CEP63: variants seen among roughly 807,000 people sequenced by gnomAD.
The protein encoded by CEP63 is centrosomal protein 63.
A neutral mutation model predicts 89.1 loss-of-function variants in CEP63; 84 were observed. The ratio of observed to expected loss-of-function variants is 0.94; its 90% CI spans 0.79 to 1.13. CEP63 has a LOEUF of 1.13. Among genes scored for constraint, CEP63 ranks in the 50% most tolerant of loss-of-function variants. CEP63 has a pLI of 0.00. For missense variants in CEP63, 838 were observed against 813.3 expected, an observed-to-expected ratio of 1.03 and a Z score of -0.37; for synonymous variants, 267 against 272.5, an observed-to-expected ratio of 0.98 and a Z score of 0.20.
chr3:134,689,131 C>A, the CEP63 span, among the ~76,000 whole-genome samples: 1 of 151,974 alleles, frequency 6.6e-6, no homozygotes, highest in Non-Finnish European at 1.5e-5. Context: ...CTGTTGGCCT[C>A]ATTTTCTCTC....
At chr3:134,620,970 G>A in the CEP63 span, 63 of 692,758 alleles carry the variant, frequency 9.1e-5, no homozygotes, top group Non-Finnish European at 1.3e-4. Context: ...GAAGCTGGAG[G>A]AGAGGTCCTG....
At chr3:134,635,087 A>G in the CEP63 span, among the ~76,000 whole-genome samples, 1 of 152,246 alleles carries the variant, frequency 6.6e-6, no homozygotes, top group Non-Finnish European at 1.5e-5. Context: ...TTCACACAAA[A>G]ACCTGTACAC....
chr3:134,747,616 C>A, the CEP63 span, among the ~76,000 whole-genome samples: 7 of 152,176 alleles, frequency 4.6e-5, no homozygotes, highest in African/African-American at 1.4e-4. Flanking sequence ...GCACCTTGTC[C>A]TTTTCTGCTT....
the CEP63 span, among the ~76,000 whole-genome samples, chr3:134,634,103 C>T: frequency 6.6e-6 from 1 of 152,166 alleles, no homozygotes; most frequent in African/African-American, 2.4e-5. Context: ...TGATTACACA[C>T]ATTAAAGATG....
At chr3:134,651,697 G>C in the CEP63 span, 314 of 851,348 alleles carry the variant, frequency 3.7e-4, no homozygotes, top group Non-Finnish European at 4.3e-4. Flanking sequence ...GATCTGAAAC[G>C]AAAGTCTTAA....
chr3:134,693,834 G>A, the CEP63 span, among the ~76,000 whole-genome samples: 11 of 152,286 alleles, frequency 7.2e-5, no homozygotes, highest in South Asian at 1.5e-3. Context: ...TTTGCCTCAC[G>A]TGCATGGACC....
the CEP63 span, among the ~76,000 whole-genome samples, chr3:134,771,579 A>T: frequency 1.3e-5 from 2 of 152,080 alleles, no homozygotes; most frequent in African/African-American, 4.8e-5. Flanking sequence ...TTCAAGAATC[A>T]TACTTTGAGA....
chr3:134,691,532 C>A, the CEP63 span, among the ~76,000 whole-genome samples: 1 of 151,668 alleles, frequency 6.6e-6, no homozygotes, highest in Admixed American at 6.6e-5. Context: ...CTGGGAGGAT[C>A]TTTTGAACCC....
upstream of CEP63, chr3:134,485,862 G>A (rs886100625): frequency 1.6e-5 from 7 of 446,040 alleles, no homozygotes; most frequent in African/African-American, 1.3e-4. Context: ...GACAGCCTCG[G>A]CCGATGGGAA....
At chr3:134,512,156 G>A (rs1945129216) in intron 3 of CEP63, among the ~76,000 whole-genome samples, 2 of 152,214 alleles carry the variant, frequency 1.3e-5, no homozygotes, top group African/African-American at 4.8e-5. Flanking sequence ...ACTGAACGGT[G>A]TGTTTCAAGA....
chr3:134,627,749 A>G, the CEP63 span: 1 of 1,613,284 alleles, frequency 6.2e-7, no homozygotes, highest in South Asian at 1.1e-5. Context: ...AAGACTCTGG[A>G]ACTTACCATG....
At position 134,550,245 on chromosome 3, in the gene CEP63, A is replaced by G; in HGVS notation, c.1365A>G (p.Lys455=). Residue 455 remains lysine, a synonymous_variant, in exon 11 of 15, where the codon AAA becomes AAG. Coordinates refer to ENST00000675561, the MANE Select transcript of CEP63 (RefSeq NM_001353108.3). ...LRAEMQKAED[K]AVEHKEILDQ... ...CAGAGATGCAAAAGGCAGAAGACAAAGCAGTAGAGCATAAGGTGAAGCCTG... is the reference window on the plus strand; with the variant it reads ...CAGAGATGCAAAAGGCAGAAGACAAGGCAGTAGAGCATAAGGTGAAGCCTG... 1 of 1,614,200 alleles carries G rather than the reference A, an allele frequency of 6.2e-7. No homozygotes were observed. The highest frequency in any genetic ancestry group is 1.7e-5 in the Admixed American group (1 of 60,028).
the CEP63 span, among the ~76,000 whole-genome samples, chr3:134,705,319 G>A: frequency 6.6e-6 from 1 of 152,110 alleles, no homozygotes; most frequent in Non-Finnish European, 1.5e-5. Flanking sequence ...ACATGAGAAG[G>A]AGCAAAACCT....
chr3:134,664,435 C>T, the CEP63 span, among the ~76,000 whole-genome samples: 1 of 152,186 alleles, frequency 6.6e-6, no homozygotes, highest in Middle Eastern at 3.2e-3. Context: ...AGACATGCAG[C>T]CCTGTGGCTG....
intron 3 of CEP63, among the ~76,000 whole-genome samples, chr3:134,511,638 G>A (rs917025567): frequency 4.6e-5 from 7 of 152,186 alleles, no homozygotes; most frequent in African/African-American, 1.4e-4. Context: ...AGCATGGCTG[G>A]TGAGGCCTCA....
intron 3 of CEP63, among the ~76,000 whole-genome samples, chr3:134,520,940 A>G (rs1947305700): frequency 6.6e-6 from 1 of 152,218 alleles, no homozygotes; most frequent in South Asian, 2.1e-4. Context: ...GACATAAGAG[A>G]AAATCTTAGT....
At chr3:134,663,651 G>T in the CEP63 span, among the ~76,000 whole-genome samples, 5 of 152,220 alleles carry the variant, frequency 3.3e-5, no homozygotes, top group Admixed American at 6.5e-5. Context: ...GGGAGTGCAG[G>T]TTCTCAAGTC....
chr3:134,745,573 G>A, the CEP63 span, among the ~76,000 whole-genome samples: 1 of 152,122 alleles, frequency 6.6e-6, no homozygotes, highest in Non-Finnish European at 1.5e-5. Context: ...TAGGGTACAT[G>A]TGCGCAACGT....
At chr3:134,559,701 C>T (rs1419322690) in intron 14 of CEP63, among the ~76,000 whole-genome samples, 1 of 152,102 alleles carries the variant, frequency 6.6e-6, no homozygotes, top group Non-Finnish European at 1.5e-5. Flanking sequence ...TTCAGTGATG[C>T]TCAATTTTCT....
Sources: allele counts gnomAD v4.1 joint callset (sites outside exome capture counted in the v4.1 genomes callset), GRCh38; gene constraint gnomAD v4.1.1; transcripts MANE v1.5; gene names NCBI Gene and HGNC (gene_info 2026-07-23, HGNC 2026-07-21).